OOSP2: variants seen among roughly 807,000 people sequenced by gnomAD.
OOSP2 encodes the protein oocyte-secreted protein 2.
In OOSP2, 7 loss-of-function variants were observed where a neutral mutation model predicts 13.4. The observed-to-expected ratio is 0.52, with a 90% CI of 0.30 to 0.98. The LOEUF (loss-of-function observed/expected upper bound fraction) is 0.98. Ranked by LOEUF, OOSP2 falls within the 50% of genes least tolerant of loss-of-function variation. The probability of loss-of-function intolerance (pLI) is 0.07; values close to 1 mark genes in which losing one functional copy is unlikely to be tolerated. For synonymous variants in OOSP2, 75 were observed against 67.2 expected (o/e 1.12, Z -0.57); for missense variants, 184 against 188.5 (o/e 0.98, Z 0.14).
At chr11:60,042,931 G>A (rs1194742588) in intron 1 of OOSP2, among the ~76,000 whole-genome samples, 2 of 150,798 alleles carry the variant, frequency 1.3e-5, no homozygotes, top group African/African-American at 4.9e-5. Flanking sequence ...CTTTTTTGGA[G>A]TCTCTCTCTG....
chr11:60,044,918 CACAAAT>C, intron 3 of OOSP2, 144 bp downstream of exon 3: 1 of 421,648 alleles, frequency 2.4e-6, no homozygotes, highest in Non-Finnish European at 4.3e-6. Flanking sequence ...TTAGTATTTA[CACAAAT>C]ATTTTAATGA....
rs371683763 is a variant in OOSP2 at position 60,044,639 on chromosome 11, A to G, written c.244-32A>G. ...GTGTATTCCTCATCTGTTACTCCAA[A>G]TATCTTCCACTGAAACTTCATGCTC... On this transcript the variant is annotated intron_variant, in intron 2 of 3. Coordinates refer to ENST00000278855, the MANE Select transcript of OOSP2 (RefSeq NM_173801.5). The G allele has an allele frequency of 4.1e-6, 4 of 977,546 alleles. No individual in the cohort carries two copies. The African/African-American group carries it at 4.8e-5, about 12-fold the overall frequency. The allele number at this position is 977,546 out of a possible 1,614,324, so 60.6% of individuals were successfully genotyped here. A position where few individuals can be genotyped will look rare whatever the true frequency, so the allele number is the denominator to read the frequency against.
At chr11:60,046,441 C>T (rs1855009359) in intron 3 of OOSP2, among the ~76,000 whole-genome samples, 1 of 141,318 alleles carries the variant, frequency 7.1e-6, no homozygotes, top group South Asian at 2.2e-4. Context: ...AGCCTACTTT[C>T]CTTAAAAAAA....
At chr11:60,042,193 A>C (rs184858440) in intron 1 of OOSP2, among the ~76,000 whole-genome samples, 1 of 152,386 alleles carries the variant, frequency 6.6e-6, no homozygotes, top group East Asian at 1.9e-4. Flanking sequence ...CAGTGAAATC[A>C]TAAGTATGGG....
chr11:60,040,443 C>T lies in OOSP2; in HGVS notation c.-17C>T, dbSNP rs774531097. On this transcript the variant is annotated 5_prime_UTR_variant, in exon 1 of 4. Transcript: ENST00000278855. Reference sequence around the variant, plus strand: ...TGAGTTGTCCTGTGCTGGAGGTCTGCTCAGACGAAGGTCTCCATGGCGTTA... The same window carrying T: ...TGAGTTGTCCTGTGCTGGAGGTCTGTTCAGACGAAGGTCTCCATGGCGTTA... 9.1e-6 allele frequency: 14 copies of T among 1,545,410 alleles called. No individual in the cohort carries two copies. The highest frequency in any genetic ancestry group is 2.2e-5 in the East Asian group (1 of 44,556).
chr11:60,048,005 T>C lies in OOSP2; in HGVS notation c.*932T>C, dbSNP rs1445361907. On this transcript the variant is annotated 3_prime_UTR_variant, in exon 4 of 4. Coordinates refer to ENST00000278855, the MANE Select transcript of OOSP2 (RefSeq NM_173801.5). ...ATTTTGCCAAGATACTGTTTATTAT[T>C]ATTTTTAATTAAAGTGATACTATTC... 6.6e-6 allele frequency: 1 copy of C among 152,152 alleles called. No homozygotes were observed. Among genetic ancestry groups the C allele is most frequent in the Non-Finnish European group, 1.5e-5 (1 of 68,004 alleles). 9.4% of individuals were successfully genotyped at this position (152,152 alleles called of 1,614,324 possible).
chr11:60,041,872 C>CAAAAAAAAAAAAA (rs1390816690), intron 1 of OOSP2, among the ~76,000 whole-genome samples: 3 of 84,824 alleles, frequency 3.5e-5, no homozygotes, highest in Admixed American at 1.4e-4. Flanking sequence ...AAAAAAAAAG[C>CAAAAAAAAAAAAA]AAAACTCCGT....
chr11:60,046,859 T>A (rs2134642749), intron 3 of OOSP2, 85 bp from the exon 4 acceptor site: 1 of 1,066,340 alleles, frequency 9.4e-7, no homozygotes, highest in Non-Finnish European at 1.5e-6. Context: ...CTATTCTGTA[T>A]ATGATCATGA....
rs1180669593 is a variant in OOSP2 at position 60,043,525 on chromosome 11, A to C, written c.121A>C (p.Ser41Arg). The C allele has an allele frequency of 6.2e-6, 10 of 1,613,276 alleles. No homozygotes were observed. Among genetic ancestry groups the C allele is most frequent in the Non-Finnish European group, 7.6e-6 (9 of 1,179,344 alleles). Residue 41 changes from serine (S) to arginine (R), a missense_variant, in exon 2 of 4, where the codon AGC becomes CGC. By Grantham distance (110) the Ser-to-Arg change is moderately radical. Coordinates refer to ENST00000278855, the MANE Select transcript of OOSP2 (RefSeq NM_173801.5). The part of the protein sequence containing the change: ...LMVSVIPVAE[S>R]RNLYIFADEL... ...GGTCTCAGTTATCCCAGTTGCAGAA[A>C]GCAGAAATCTGTATATATTTGCGGA...
intron 1 of OOSP2, among the ~76,000 whole-genome samples, chr11:60,041,054 A>C (rs1854923177): frequency 6.6e-6 from 1 of 152,220 alleles, no homozygotes; most frequent in Non-Finnish European, 1.5e-5. Flanking sequence ...CTACAAGTTG[A>C]TTCCAATGTA....
chr11:60,041,010 T>G (rs1447213703), intron 1 of OOSP2, among the ~76,000 whole-genome samples: 1 of 152,216 alleles, frequency 6.6e-6, no homozygotes, highest in African/African-American at 2.4e-5. Flanking sequence ...TTCTGCAAAG[T>G]TAATAGGAGA....
In OOSP2 at chr11:60,043,493, G is replaced by A. The variant is rs149225217; in HGVS notation, c.89G>A (p.Trp30Ter). 2.5e-6 allele frequency: 4 copies of A among 1,612,970 alleles called. No individual in the cohort carries two copies. In the African/African-American group the frequency reaches 4.0e-5, roughly 16 times the overall value. Reference sequence around the variant, plus strand: ...GTGAAAATAAGTTGCTCTCTGGACTGGTTGATGGTCTCAGTTATCCCAGTT... The same window carrying A: ...GTGAAAATAAGTTGCTCTCTGGACTAGTTGATGGTCTCAGTTATCCCAGTT... ...LHVKISCSLD[W>*]LMVSVIPVAE... Residue 30 changes from tryptophan (W) to a stop codon, truncating the protein, a stop_gained, in exon 2 of 4, where the codon TGG becomes TAG. Transcript: ENST00000278855. LOFTEE classifies it high-confidence loss of function.
chr11:60,044,715 T>C lies in OOSP2; in HGVS notation c.288T>C (p.Phe96=). The C allele has an allele frequency of 6.2e-7, 1 of 1,605,216 alleles. No homozygotes were observed. Among genetic ancestry groups the C allele is most frequent in the Non-Finnish European group, 8.5e-7 (1 of 1,172,442 alleles). ...ETLLFQTELY[F]TPRNIDHDPQ... ...TCCTTTTTCAAACCGAGCTGTACTT[T>C]ACCCCAAGGAATATAGATCATGACC... The change falls in exon 3 of 4, where the codon TTT becomes TTC. Residue 96 remains phenylalanine (F), a synonymous_variant. Transcript: ENST00000278855.
Position 60,047,027 on chromosome 11 carries a change from C to G in OOSP2, c.431C>G (p.Thr144Arg), listed in dbSNP as rs770585908. The change falls in exon 4 of 4, where the codon ACA (threonine) becomes AGA (arginine). Residue 144 changes from threonine (T) to arginine (R), a missense_variant. Thr to Arg is a moderately conservative substitution (Grantham distance 71). Transcript: ENST00000278855. Reference protein sequence around the residue: ...PSPFIADFQTTAEELGLLSSS... With the variant: ...PSPFIADFQTRAEELGLLSSS... ...CCTTTTATTGCTGACTTTCAGACAA[C>G]AGCAGAAGAGTTAGGATTATTATCT... 1 of 1,611,238 alleles carries G rather than the reference C, an allele frequency of 6.2e-7. No homozygotes were observed. Among genetic ancestry groups the G allele is most frequent in the Admixed American group, 1.7e-5 (1 of 59,996 alleles).
At chr11:60,046,123 G>A (rs1855005155) in intron 3 of OOSP2, among the ~76,000 whole-genome samples, 1 of 149,894 alleles carries the variant, frequency 6.7e-6, no homozygotes, top group Non-Finnish European at 1.5e-5. Context: ...GTCTGTCCCT[G>A]TCTCTCTGGC....
At chr11:60,041,764 T>G (rs538971504) in intron 1 of OOSP2, among the ~76,000 whole-genome samples, 1 of 141,960 alleles carries the variant, frequency 7.0e-6, no homozygotes, top group South Asian at 2.3e-4. Flanking sequence ...GGCAGGAGAA[T>G]CACTTGAACC....
rs1454391806 is a variant in OOSP2 at position 60,046,974 on chromosome 11, T to G, written c.378T>G (p.Thr126=). 1.2e-6 allele frequency: 2 copies of G among 1,609,880 alleles called. No homozygotes were observed. Among genetic ancestry groups the G allele is most frequent in the Non-Finnish European group, 1.7e-6 (2 of 1,176,240 alleles). The part of the protein sequence containing the change: ...RKSVWLTPVS[T]ENEIKLDPSP... ...CAGTGTGGCTTACACCAGTTTCTAC[T>G]GAGAATGAAATAAAATTGGATCCTA... Residue 126 remains threonine (T), a synonymous_variant, in exon 4 of 4, where the codon ACT becomes ACG. Transcript: ENST00000278855.
At chr11:60,044,621 C>T (rs974479261) in intron 2 of OOSP2, 50 bp from the exon 3 acceptor site, 1 of 816,844 alleles carries the variant, frequency 1.2e-6, no homozygotes, top group Non-Finnish European at 2.1e-6. Context: ...TGTGTGTATT[C>T]CTCATCTGTT....
intron 3 of OOSP2, 170 bp from the exon 4 acceptor site, chr11:60,046,774 C>A: frequency 1.3e-6 from 1 of 745,232 alleles, no homozygotes; most frequent in Non-Finnish European, 2.5e-6. Context: ...AGCCTATCTG[C>A]TCAAATCCTG....
Sources: gnomAD v4.1 joint callset for allele counts (sites outside exome capture counted in the v4.1 genomes callset) on GRCh38, gnomAD v4.1.1 for gene constraint, MANE v1.5 for transcripts, NCBI Gene and HGNC (gene_info 2026-07-23, HGNC 2026-07-21) for gene names.